ACSF2: variants seen among roughly 807,000 people sequenced by gnomAD.
ACSF2 encodes acyl-CoA synthetase family member 2, also known as medium-chain acyl-CoA ligase ACSF2, mitochondrial.
Under a neutral mutation model 79.3 loss-of-function variants are expected in ACSF2, and 52 were observed. The observed-to-expected ratio is 0.66, with a 90% CI of 0.53 to 0.83. The LOEUF (loss-of-function observed/expected upper bound fraction) is 0.83. ACSF2 is among the 40% of genes least tolerant of loss of function. ACSF2 has a pLI of 0.00. For missense variants in ACSF2, 661 were observed against 803.3 expected (o/e 0.82, Z 2.14); for synonymous variants, 283 against 312.6 (o/e 0.91, Z 1.00).
At chr17:50,428,057 T>C (rs1915164968) in intron 1 of ACSF2, among the ~76,000 whole-genome samples, 1 of 152,192 alleles carries the variant, frequency 6.6e-6, no homozygotes, top group African/African-American at 2.4e-5. Context: ...GGCAAGGTGG[T>C]TTATGCCTGT....
intron 1 of ACSF2, among the ~76,000 whole-genome samples, chr17:50,456,508 G>A (rs941537468): frequency 1.3e-5 from 2 of 151,854 alleles, no homozygotes; most frequent in African/African-American, 4.8e-5. Context: ...CGAGGCGGGC[G>A]GATCACCTGA....
intron 1 of ACSF2, among the ~76,000 whole-genome samples, chr17:50,437,263 C>T (rs1250253416): frequency 6.6e-6 from 1 of 152,222 alleles, no homozygotes; most frequent in Non-Finnish European, 1.5e-5. Flanking sequence ...AGCTATAACA[C>T]AAGAGTGAAT....
rs1209140410 is a variant in ACSF2, at chr17:50,452,495, T to G, written c.129-8182T>G. 2.4e-5 allele frequency among the ~76,000 whole-genome samples: 3 copies of G among 124,976 alleles called. No individual in the cohort carries two copies. In the Admixed American group the frequency reaches 2.5e-4, roughly 10 times the overall value. The allele number at this position is 124,976 out of a possible 152,430, so 82.0% of individuals were successfully genotyped here. ...TGAGTCTCAAAACAAAACGAAAAAATAGAAAAAGAAGTGTCGGGTCGAGGG... is the reference window on the plus strand; with the variant it reads ...TGAGTCTCAAAACAAAACGAAAAAAGAGAAAAAGAAGTGTCGGGTCGAGGG... On this transcript the variant is annotated intron_variant, in intron 1 of 15. Transcript: ENST00000300441.
At chr17:50,470,687 G>A (rs943549881) in intron 10 of ACSF2, among the ~76,000 whole-genome samples, 2 of 152,014 alleles carry the variant, frequency 1.3e-5, no homozygotes, top group African/African-American at 4.8e-5. Flanking sequence ...CCAGGGGATG[G>A]GGGGAGAAGT....
intron 10 of ACSF2, chr17:50,464,892 G>A (rs767299042): frequency 1.1e-5 from 4 of 348,196 alleles, no homozygotes; most frequent in African/African-American, 8.5e-5. Flanking sequence ...TGGGTTGGTA[G>A]TGGAGTGCCC....
chr17:50,460,850 C>T lies in ACSF2; in HGVS notation c.302C>T (p.Thr101Ile). The part of the protein sequence containing the change: ...LVVLHEDVRL[T>I]FAQLKEEVDK... ...GTCCTCCATGAAGACGTCAGGTTGA[C>T]CTTTGCCCAACTCAAGGAGGAGGTG... Residue 101 changes from threonine (T) to isoleucine (I), a missense_variant, in exon 2 of 16, where the codon ACC becomes ATC. Physicochemically the swap from Thr to Ile is moderately conservative, Grantham distance 89. Transcript: ENST00000300441. 9.3e-6 allele frequency: 15 copies of T among 1,610,392 alleles called. No homozygotes were observed. Among genetic ancestry groups the T allele is most frequent in the Non-Finnish European group, 1.3e-5 (15 of 1,177,966 alleles).
At chr17:50,436,841 T>G (rs1056972686) in intron 1 of ACSF2, among the ~76,000 whole-genome samples, 2 of 152,186 alleles carry the variant, frequency 1.3e-5, no homozygotes, top group South Asian at 4.1e-4. Context: ...GTGATCTTTT[T>G]GGGATTTTAT....
In ACSF2 at chr17:50,471,009, C is replaced by G. The variant is rs757442639; in HGVS notation, c.1216-19C>G. On this transcript the variant is annotated intron_variant, in intron 10 of 15. Coordinates refer to ENST00000300441, the MANE Select transcript of ACSF2 (RefSeq NM_025149.6). This position sits in a 1 kb window ranked among gnomAD's most constrained non-coding sequence, Gnocchi z 4.1. Reference sequence around the variant, plus strand: ...GCACGTGCTGAGCCCTCTTCAAACACCCTTTCTGGACCCTCTAGGTTGCTT... The same window carrying G: ...GCACGTGCTGAGCCCTCTTCAAACAGCCTTTCTGGACCCTCTAGGTTGCTT... 6.2e-7 allele frequency: 1 copy of G among 1,602,880 alleles called. No homozygotes were observed. The highest frequency in any genetic ancestry group is 8.5e-7 in the Non-Finnish European group (1 of 1,169,832).
chr17:50,441,270 A>T (rs1315102525), intron 1 of ACSF2, among the ~76,000 whole-genome samples: 1 of 152,268 alleles, frequency 6.6e-6, no homozygotes, highest in Non-Finnish European at 1.5e-5. Flanking sequence ...CCCCAGGCTC[A>T]GGTGATCCTC....
chr17:50,438,051 A>C (rs2030576995), intron 1 of ACSF2, among the ~76,000 whole-genome samples: 1 of 152,172 alleles, frequency 6.6e-6, no homozygotes, highest in Non-Finnish European at 1.5e-5. Context: ...CATGTCTCTG[A>C]ATCCATAAAT....
intron 1 of ACSF2, chr17:50,426,875 A>C (rs1441188153): frequency 5.2e-6 from 8 of 1,534,160 alleles, no homozygotes; most frequent in Non-Finnish European, 7.0e-6. Flanking sequence ...TTTGCTGCCT[A>C]CTCCTGGGCC....
chr17:50,470,887 A>G (rs2143800242), intron 10 of ACSF2, 141 bp from the exon 11 acceptor site: 2 of 664,792 alleles, frequency 3.0e-6, no homozygotes, highest in East Asian at 5.5e-5. Flanking sequence ...GGCCCCTACC[A>G]ATGATGTCTC....
chr17:50,426,531 C>A, intron 1 of ACSF2, 142 bp downstream of exon 1: 1 of 1,112,586 alleles, frequency 9.0e-7, no homozygotes, highest in Non-Finnish European at 1.2e-6. Flanking sequence ...CCCCCGCCAG[C>A]ACCTAGGCAA....
At chr17:50,458,577 C>G (rs552219823) in intron 1 of ACSF2, among the ~76,000 whole-genome samples, 1 of 152,352 alleles carries the variant, frequency 6.6e-6, no homozygotes, top group South Asian at 2.1e-4. Context: ...TCTCAGCTTT[C>G]TAAACATACA....
intron 1 of ACSF2, among the ~76,000 whole-genome samples, chr17:50,427,719 A>C (rs538884787): frequency 5.6e-4 from 85 of 152,346 alleles, no homozygotes; most frequent in African/African-American, 1.9e-3. Context: ...GCTGCCCAAT[A>C]GAAAACAAAC....
chr17:50,470,920 T>G (rs1742068487), intron 10 of ACSF2, 108 bp from the exon 11 acceptor site: 7 of 840,230 alleles, frequency 8.3e-6, no homozygotes, highest in African/African-American at 1.7e-5. Context: ...TCGGCTGCCC[T>G]CCACTTTCCC....
At chr17:50,470,552 T>C (rs920091452) in intron 10 of ACSF2, among the ~76,000 whole-genome samples, 7 of 152,106 alleles carry the variant, frequency 4.6e-5, no homozygotes, top group African/African-American at 7.2e-5. Flanking sequence ...GGGGTGGGGT[T>C]GTGTCTGTGC....
chr17:50,463,981 T>A lies in ACSF2; in HGVS notation c.1138+72T>A. On this transcript the variant is annotated intron_variant, in intron 9 of 15. Coordinates refer to ENST00000300441, the MANE Select transcript of ACSF2 (RefSeq NM_025149.6). This position sits in a 1 kb window ranked among gnomAD's most constrained non-coding sequence, Gnocchi z 4.6. The stretch of plus-strand genomic sequence containing the variant: ...CCCCACAGGAATGGCCCGGGTGAGT[T>A]AGCTATGCTCCCAGTCTTTTATATA... 6.8e-7 allele frequency: 1 copy of A among 1,466,550 alleles called. No homozygotes were observed. The highest frequency in any genetic ancestry group is 9.4e-7 in the Non-Finnish European group (1 of 1,058,802). 90.8% of individuals were successfully genotyped at this position (1,466,550 alleles called of 1,614,324 possible). A position where few individuals can be genotyped will look rare whatever the true frequency, so the allele number is the denominator to read the frequency against.
chr17:50,452,493 A>G (rs995109432), intron 1 of ACSF2, among the ~76,000 whole-genome samples: 1 of 151,788 alleles, frequency 6.6e-6, no homozygotes, highest in African/African-American at 2.4e-5. Context: ...AAAACGAAAA[A>G]ATAGAAAAAG....
Sources: allele counts gnomAD v4.1 joint callset (sites outside exome capture counted in the v4.1 genomes callset), GRCh38; gene constraint gnomAD v4.1.1; non-coding constraint Gnocchi (gnomAD v3.1); transcripts MANE v1.5; gene names NCBI Gene and HGNC (gene_info 2026-07-23, HGNC 2026-07-21).